Variants in WRN observed in about 807,000 individuals in gnomAD.
WRN encodes the protein bifunctional 3'-5' exonuclease/ATP-dependent helicase WRN.
In WRN, 149 loss-of-function variants were observed where a neutral mutation model predicts 180.7. That is an observed-to-expected ratio of 0.82 (90% CI 0.72 to 0.94). The LOEUF (loss-of-function observed/expected upper bound fraction) is 0.94, where lower values mean the gene tolerates loss of function less well. Ranked by LOEUF, WRN falls within the 40% of genes least tolerant of loss-of-function variation. The pLI is 0.00. For synonymous variants in WRN, 548 were observed against 568.9 expected (o/e 0.96, Z 0.52); for missense variants, 1,661 against 1,700.1 (o/e 0.98, Z 0.40).
chr8:31,134,038 C>G (rs547356839), intron 24 of WRN, among the ~76,000 whole-genome samples: 1 of 152,148 alleles, frequency 6.6e-6, no homozygotes, highest in Non-Finnish European at 1.5e-5. Context: ...ATTAAGAAGT[C>G]TATCCTTTGT....
chr8:31,146,215 T>G (rs1802850765), intron 28 of WRN, among the ~76,000 whole-genome samples: 1 of 151,194 alleles, frequency 6.6e-6, no homozygotes, highest in Admixed American at 6.6e-5. Context: ...TCATCTCCTA[T>G]TATGGTAGAT....
In WRN at chr8:31,083,794, A is replaced by T. The variant is rs1324445351; in HGVS notation, c.1350+15A>T. ...AGATGCTTAAGGTATGTTTACAATT[A>T]TAAAAATATTACTTCAAGTTCTTTC... On this transcript the variant is annotated intron_variant, in intron 10 of 34. Coordinates refer to ENST00000298139, the MANE Select transcript of WRN (RefSeq NM_000553.6). 3 of 1,243,530 alleles carry T rather than the reference A, an allele frequency of 2.4e-6. No individual in the cohort carries two copies. The highest frequency in any genetic ancestry group is 3.5e-6 in the Non-Finnish European group (3 of 846,228). The allele number at this position is 1,243,530 out of a possible 1,614,324, so 77.0% of individuals were successfully genotyped here.
At chr8:31,062,409 A>ATTTT (rs3056741) in intron 3 of WRN, among the ~76,000 whole-genome samples, 1 of 139,720 alleles carries the variant, frequency 7.2e-6, no homozygotes, top group Non-Finnish European at 1.6e-5. Context: ...ATTTTCTTCA[A>ATTTT]TTTTTTTTTT....
intron 19 of WRN, among the ~76,000 whole-genome samples, chr8:31,114,991 G>A (rs1801461385): frequency 1.3e-5 from 2 of 151,304 alleles, no homozygotes; most frequent in Non-Finnish European, 2.9e-5. Flanking sequence ...TGCCTCCTGG[G>A]TTCCAGCGAT....
intron 33 of WRN, among the ~76,000 whole-genome samples, chr8:31,164,131 C>T (rs759623553): frequency 1.3e-5 from 2 of 152,136 alleles, no homozygotes; most frequent in African/African-American, 4.8e-5. Context: ...AGCCACTGAG[C>T]CCAGCCCTCT....
chr8:31,101,429 T>C (rs1322857165), intron 18 of WRN, among the ~76,000 whole-genome samples: 2 of 152,150 alleles, frequency 1.3e-5, no homozygotes, highest in Non-Finnish European at 2.9e-5. Flanking sequence ...GTTTGAACTA[T>C]TCTATAGAAA....
chr8:31,154,480 T>C, intron 31 of WRN, 144 bp from the exon 32 acceptor site: 1 of 965,028 alleles, frequency 1.0e-6, no homozygotes, highest in South Asian at 2.1e-5. Flanking sequence ...CCAACTTCTT[T>C]TTGAGCTCCC....
rs185790844 is a variant in WRN at position 31,092,028 on chromosome 8, A to G, written c.1898+130A>G. ...TTATGTCATTTCTAATCATGTGGTC[A>G]GATGTCTGTGGTATATGAGAGAATT... is the stretch of plus-strand genomic sequence containing the variant. On this transcript the variant is annotated intron_variant, in intron 16 of 34. Transcript: ENST00000298139. 3.1e-4 allele frequency: 262 copies of G among 844,842 alleles called. No individual in the cohort carries two copies. In the African/African-American group the frequency reaches 3.9e-3, roughly 12 times the overall value. The allele number at this position is 844,842 out of a possible 1,614,324, so 52.3% of individuals were successfully genotyped here.
At chr8:31,079,575 A>G (rs989771038) in intron 8 of WRN, among the ~76,000 whole-genome samples, 2 of 152,340 alleles carry the variant, frequency 1.3e-5, no homozygotes, top group Middle Eastern at 3.4e-3. Context: ...TGGGTTTATA[A>G]TATAGTCATT....
chr8:31,090,866 C>G lies in WRN; in HGVS notation c.1753C>G (p.Pro585Ala). 1 of 1,612,124 alleles carries G rather than the reference C, an allele frequency of 6.2e-7. No homozygotes were observed. ...AAAGAGTTTGTGCTTCCAGTATCCA[C>G]CTGTTTATGTAGGCAAGATTGGCCT... ...YGKSLCFQYP[P>A]VYVGKIGLVI... Residue 585 changes from proline (P) to alanine (A), a missense_variant, in exon 15 of 35, where the codon CCT (proline) becomes GCT (alanine). Transcript: ENST00000298139.
Position 31,068,842 on chromosome 8 carries a change from A to G in WRN, c.724+515A>G, listed in dbSNP as rs191078968. On this transcript the variant is annotated intron_variant, in intron 7 of 34. Coordinates refer to ENST00000298139, the MANE Select transcript of WRN (RefSeq NM_000553.6). The stretch of plus-strand genomic sequence containing the variant: ...TTTTCTTCTGTCATTTTTCTCCAAA[A>G]ATAATGGTCATGTCATCCAACCTCA... Among the ~76,000 whole-genome samples the G allele has an allele frequency of 3.9e-5, 6 of 152,300 alleles. No homozygotes were observed. The East Asian group carries it at 9.7e-4, about 25-fold the overall frequency.
intron 1 of WRN, among the ~76,000 whole-genome samples, chr8:31,035,481 G>C (rs1446514948): frequency 6.6e-6 from 1 of 152,160 alleles, no homozygotes; most frequent in Non-Finnish European, 1.5e-5. Flanking sequence ...AAGAGGCCTA[G>C]TGAGCTGGAG....
intron 30 of WRN, among the ~76,000 whole-genome samples, chr8:31,149,213 C>T (rs6996520): frequency 0.24 from 36,536 of 151,382 alleles, 4,531 homozygotes; most frequent in South Asian, 0.29. Flanking sequence ...CTGGCTAACA[C>T]GGTGAAACCC....
At chr8:31,124,681 A>C in intron 22 of WRN, 58 bp downstream of exon 22, 1 of 1,481,478 alleles carries the variant, frequency 6.8e-7, no homozygotes, top group Non-Finnish European at 9.4e-7. Flanking sequence ...CTCTTTTAAG[A>C]CAACAATTTG....
At position 31,132,435 on chromosome 8, in the gene WRN, C is replaced by CT. The variant is rs1554530901; in HGVS notation, c.2900dup (p.Leu967PhefsTer24). The CT allele has an allele frequency of 6.2e-7, 1 of 1,614,146 alleles. No individual in the cohort carries two copies. On this transcript the variant is annotated frameshift_variant, in exon 24 of 35. Coordinates refer to ENST00000298139, the MANE Select transcript of WRN (RefSeq NM_000553.6). LOFTEE classifies it high-confidence loss of function. Reference sequence around the variant, plus strand: ...GGACTTTGGTCCACAAGCATTTAAGCTTTTGTCTGCTGTGGACATCTTAGG... The same window carrying CT: ...GGACTTTGGTCCACAAGCATTTAAGCTTTTTGTCTGCTGTGGACATCTTAGG...
At chr8:31,098,370 G>T (rs1814078374) in intron 17 of WRN, among the ~76,000 whole-genome samples, 1 of 152,128 alleles carries the variant, frequency 6.6e-6, no homozygotes, top group Admixed American at 6.6e-5. Context: ...AGTGTTAAAT[G>T]AATAATAAGC....
intron 20 of WRN, among the ~76,000 whole-genome samples, chr8:31,117,105 A>G (rs1801553286): frequency 6.6e-6 from 1 of 152,206 alleles, no homozygotes; most frequent in Non-Finnish European, 1.5e-5. Flanking sequence ...TGGGCTTGGT[A>G]TCATATACCT....
At chr8:31,105,098 TTAAAA>T (rs1319552718) in intron 18 of WRN, among the ~76,000 whole-genome samples, 1 of 4,510 alleles carries the variant, frequency 2.2e-4, no homozygotes, top group East Asian at 0.071. Flanking sequence ...GGAGCAGATA[TTAAAA>T]CAACAAACCA....
intron 21 of WRN, among the ~76,000 whole-genome samples, chr8:31,121,357 G>T (rs1801720535): frequency 1.3e-5 from 2 of 151,916 alleles, no homozygotes; most frequent in Non-Finnish European, 1.5e-5. Context: ...TAAACAATGT[G>T]TTTTTGATTG....
Sources: allele counts gnomAD v4.1 joint callset (sites outside exome capture counted in the v4.1 genomes callset), GRCh38; gene constraint gnomAD v4.1.1; transcripts MANE v1.5; gene names NCBI Gene and HGNC (gene_info 2026-07-23, HGNC 2026-07-21).